PLEKHB2: variants seen among roughly 807,000 people sequenced by gnomAD.
PLEKHB2 encodes pleckstrin homology domain containing B2.
Under a neutral mutation model 36.5 loss-of-function variants are expected in PLEKHB2, and 31 were observed. The observed-to-expected ratio is 0.85, with a 90% CI of 0.64 to 1.15. PLEKHB2 has a LOEUF of 1.15. Among genes scored for constraint, PLEKHB2 ranks in the 50% most tolerant of loss-of-function variants. The pLI is 0.00. For synonymous variants in PLEKHB2, 119 were observed against 112.0 expected (o/e 1.06, Z -0.39); for missense variants, 262 against 295.3 (o/e 0.89, Z 0.83).
At chr2:131,135,158 G>A (rs1477815100) in intron 6 of PLEKHB2, among the ~76,000 whole-genome samples, 1 of 151,882 alleles carries the variant, frequency 6.6e-6, no homozygotes, top group East Asian at 1.9e-4. Flanking sequence ...TGCACCCTCC[G>A]CCTCCTGGGT....
At chr2:131,113,630 A>G (rs1288800598) in intron 1 of PLEKHB2, among the ~76,000 whole-genome samples, 1 of 152,158 alleles carries the variant, frequency 6.6e-6, no homozygotes, top group African/African-American at 2.4e-5. Flanking sequence ...TGGCTTTTTC[A>G]TTACAGAACA....
chr2:131,141,246 G>A (rs576240000), intron 7 of PLEKHB2, among the ~76,000 whole-genome samples: 2 of 152,282 alleles, frequency 1.3e-5, no homozygotes, highest in African/African-American at 4.8e-5. Flanking sequence ...TCATACTCCT[G>A]TGTTCTGGGA....
chr2:131,136,776 T>C (rs1047219762), intron 6 of PLEKHB2, among the ~76,000 whole-genome samples: 2 of 151,794 alleles, frequency 1.3e-5, no homozygotes, highest in Admixed American at 6.6e-5. Context: ...ATAGAATAAA[T>C]TGGAAAGTGT....
intron 2 of PLEKHB2, among the ~76,000 whole-genome samples, chr2:131,121,539 G>T (rs1696519905): frequency 6.6e-6 from 1 of 152,126 alleles, no homozygotes; most frequent in Non-Finnish European, 1.5e-5. Flanking sequence ...GAGCCACCGT[G>T]CCCAGCTGCG....
intron 6 of PLEKHB2, among the ~76,000 whole-genome samples, chr2:131,137,155 G>GTTT (rs1698347148): frequency 6.7e-6 from 1 of 149,114 alleles, no homozygotes; most frequent in African/African-American, 2.6e-5. Context: ...CACTGTGTTA[G>GTTT]CCAGGACGGT....
rs138881390 is a variant in PLEKHB2, at chr2:131,133,431, G to A, written c.423+440G>A. ...AGTGGAACGTATGTAAGTCTGTTGT[G>A]TGGAACACGCAGCTTTTAAAAAAAT... On this transcript the variant is annotated intron_variant, in intron 6 of 7. Coordinates refer to ENST00000693505, the MANE Select transcript of PLEKHB2 (RefSeq NM_001100623.2). Among the ~76,000 whole-genome samples, 562 of 152,344 alleles carry A rather than the reference G, an allele frequency of 3.7e-3. 6 individuals are homozygous for A. Among genetic ancestry groups the A allele is most frequent in the Admixed American group, 4.5e-3 (69 of 15,308 alleles).
chr2:131,124,525 A>G (rs1488571235), intron 2 of PLEKHB2, among the ~76,000 whole-genome samples: 1 of 152,184 alleles, frequency 6.6e-6, no homozygotes, highest in African/African-American at 2.4e-5. Context: ...AAAGGAAATT[A>G]CTGTTTTATA....
intron 7 of PLEKHB2, among the ~76,000 whole-genome samples, chr2:131,145,632 G>A (rs907836614): frequency 1.3e-5 from 2 of 152,128 alleles, no homozygotes; most frequent in Non-Finnish European, 2.9e-5. Flanking sequence ...ATCAAGCCTG[G>A]CCAGCCAGCC....
chr2:131,149,054 T>C lies in PLEKHB2; in HGVS notation c.*2281T>C, dbSNP rs1699496044. The C allele has an allele frequency of 6.6e-6, 1 of 152,110 alleles. No individual in the cohort carries two copies. Among genetic ancestry groups the C allele is most frequent in the African/African-American group, 2.4e-5 (1 of 41,420 alleles). The allele number at this position is 152,110 out of a possible 1,614,324, so 9.4% of individuals were successfully genotyped here. ...GAAGGGGGGAGGTGTAGACTGAAGC[T>C]TGGGCACTCATGTGTGTCCCCTCCC... On this transcript the variant is annotated 3_prime_UTR_variant, in exon 8 of 8. Coordinates refer to ENST00000693505, the MANE Select transcript of PLEKHB2 (RefSeq NM_001100623.2).
At chr2:131,121,356 C>T (rs1038313460) in intron 2 of PLEKHB2, among the ~76,000 whole-genome samples, 1 of 152,172 alleles carries the variant, frequency 6.6e-6, no homozygotes, top group Non-Finnish European at 1.5e-5. Flanking sequence ...TCAAGTGATT[C>T]TCCTGCCTCA....
At chr2:131,107,839 T>C (rs1303164335) in intron 1 of PLEKHB2, 3 of 152,228 alleles carry the variant, frequency 2.0e-5, no homozygotes, top group Non-Finnish European at 4.4e-5. Context: ...ATTTTTTGTA[T>C]TTTTAATAGA....
intron 1 of PLEKHB2, among the ~76,000 whole-genome samples, chr2:131,115,315 A>G (rs930000392): frequency 2.7e-5 from 4 of 150,268 alleles, no homozygotes; most frequent in African/African-American, 7.3e-5. Context: ...GTAGGAATAA[A>G]GCCAAACCAT....
At position 131,146,910 on chromosome 2, in the gene PLEKHB2, G is replaced by A. The variant is rs966968354; in HGVS notation, c.*137G>A. The A allele has an allele frequency of 1.8e-5, 13 of 722,282 alleles. No homozygotes were observed. The highest frequency in any genetic ancestry group is 2.7e-5 in the Non-Finnish European group (12 of 451,352). The allele number at this position is 722,282 out of a possible 1,614,324, so 44.7% of individuals were successfully genotyped here. ...CTTTGAAAGTAGTGATGTCATAATT[G>A]TACTAATCCACATAAGTACCACAGA... On this transcript the variant is annotated 3_prime_UTR_variant, in exon 8 of 8. Transcript: ENST00000693505.
At position 131,146,657 on chromosome 2, in the gene PLEKHB2, GCTAA is replaced by G; in HGVS notation, c.555_558del (p.Asn186LysfsTer29). Reference sequence around the variant, plus strand: ...TTTAGGACTTTATGGACAGCAGCCTGCTAACCAAGTCATCATTCGAGAGCGCTAT... The same window carrying G: ...TTTAGGACTTTATGGACAGCAGCCTGCCAAGTCATCATTCGAGAGCGCTAT... On this transcript the variant is annotated frameshift_variant, in exon 8 of 8. Transcript: ENST00000693505. LOFTEE classifies it high-confidence loss of function. 1 of 1,613,274 alleles carries G rather than the reference GCTAA, an allele frequency of 6.2e-7. No homozygotes were observed. Among genetic ancestry groups the G allele is most frequent in the Non-Finnish European group, 8.5e-7 (1 of 1,179,718 alleles).
At chr2:131,136,204 C>CCCTCTCCTCCTCT (rs1553466169) in intron 6 of PLEKHB2, among the ~76,000 whole-genome samples, 1 of 140,694 alleles carries the variant, frequency 7.1e-6, no homozygotes, top group Non-Finnish European at 1.5e-5. Flanking sequence ...CCCGCCCGTC[C>CCCTCTCCTCCTCT]CCTCTCCTCC....
At chr2:131,127,321 A>ACAGC (rs1435655437) in intron 4 of PLEKHB2, among the ~76,000 whole-genome samples, 2 of 152,146 alleles carry the variant, frequency 1.3e-5, no homozygotes, top group African/African-American at 4.8e-5. Context: ...TCTTTGGCTG[A>ACAGC]CAGCCACATC....
intron 7 of PLEKHB2, among the ~76,000 whole-genome samples, chr2:131,142,866 T>C (rs1282579757): frequency 6.6e-6 from 1 of 152,094 alleles, no homozygotes; most frequent in Non-Finnish European, 1.5e-5. Flanking sequence ...TAGAATCTAG[T>C]TCTTTTTTTC....
chr2:131,142,082 C>G (rs559184793), intron 7 of PLEKHB2, among the ~76,000 whole-genome samples: 6 of 152,314 alleles, frequency 3.9e-5, no homozygotes, highest in African/African-American at 1.4e-4. Context: ...CACACCCCCT[C>G]TCACTCTGGG....
intron 2 of PLEKHB2, among the ~76,000 whole-genome samples, chr2:131,122,469 A>T (rs1696616372): frequency 6.6e-6 from 1 of 152,236 alleles, no homozygotes. Context: ...GAGATGGTTT[A>T]TCAAAACTAT....
Sources: gnomAD v4.1 joint callset for allele counts (sites outside exome capture counted in the v4.1 genomes callset) on GRCh38, gnomAD v4.1.1 for gene constraint, MANE v1.5 for transcripts, NCBI Gene and HGNC (gene_info 2026-07-23, HGNC 2026-07-21) for gene names.